The following MAGI2 variants were observed in gnomAD, a reference collection of about 807,000 sequenced individuals.
MAGI2 encodes membrane-associated guanylate kinase, WW and PDZ domain-containing protein 2.
In MAGI2, 35 loss-of-function variants were observed where a neutral mutation model predicts 133.3. The observed-to-expected ratio is 0.26, with a 90% confidence interval of 0.20 to 0.35. MAGI2 has a LOEUF of 0.35. Ranked by LOEUF, MAGI2 falls within the 10% of genes least tolerant of loss-of-function variation. The pLI, the probability that MAGI2 is intolerant of heterozygous loss-of-function variation, is 1.00. For missense variants in MAGI2, 1,636 were observed against 1,863.4 expected, an observed-to-expected ratio of 0.88 and a Z score of 2.25; for synonymous variants, 729 against 710.6, an observed-to-expected ratio of 1.03 and a Z score of -0.41.
intron 6 of MAGI2, among the ~76,000 whole-genome samples, chr7:78,474,211 T>C (rs112496876): frequency 6.6e-6 from 1 of 152,066 alleles, no homozygotes. Context: ...TCTATTTATA[T>C]GCAAGTTGGG....
chr7:78,431,074 CTGTGTG>C (rs147567944), intron 6 of MAGI2, among the ~76,000 whole-genome samples: 381 of 146,512 alleles, frequency 2.6e-3, no homozygotes, highest in African/African-American at 6.3e-3. Context: ...GTGAGGTAGG[CTGTGTG>C]TGTGTGTGTG....
chr7:79,360,475 A>G (rs1212833649), intron 1 of MAGI2, among the ~76,000 whole-genome samples: 2 of 152,284 alleles, frequency 1.3e-5, no homozygotes, highest in East Asian at 3.9e-4. Flanking sequence ...ATAGGTACGT[A>G]CACTATATCA....
chr7:79,418,489 A>G (rs889367221), intron 1 of MAGI2, among the ~76,000 whole-genome samples: 1 of 152,116 alleles, frequency 6.6e-6, no homozygotes, highest in Non-Finnish European at 1.5e-5. Flanking sequence ...CAACAGCGCC[A>G]CAATCAATTT....
intron 1 of MAGI2, among the ~76,000 whole-genome samples, chr7:79,355,649 G>A (rs968373909): frequency 6.6e-5 from 10 of 152,236 alleles, no homozygotes; most frequent in South Asian, 6.2e-4. Context: ...TCACTGCCAC[G>A]ACTTTTTGTT....
chr7:78,366,541 G>C (rs767695105), intron 7 of MAGI2, among the ~76,000 whole-genome samples: 13 of 152,074 alleles, frequency 8.5e-5, no homozygotes, highest in Non-Finnish European at 1.6e-4. Flanking sequence ...GAAAATAATA[G>C]TGCAATAGAG....
At chr7:78,455,938 C>T (rs2302641) in intron 6 of MAGI2, among the ~76,000 whole-genome samples, 49,895 of 151,784 alleles carry the variant, frequency 0.33, 11,342 homozygotes, top group African/African-American at 0.65. Flanking sequence ...ACTTTCAGAA[C>T]CTGGGTCTGG....
In MAGI2 at chr7:78,194,990, G is replaced by C. The variant is rs751741921; in HGVS notation, c.2153C>G (p.Pro718Arg). 5.6e-6 allele frequency: 9 copies of C among 1,614,104 alleles called. No individual in the cohort carries two copies. Among genetic ancestry groups the C allele is most frequent in the East Asian group, 2.2e-5 (1 of 44,876 alleles). ...GCTCCTGTGAAGGGCAGGTGGGAAGGGCAGGTTCTGCGGTATGGCCGGAGC... is the reference window on the plus strand; with the variant it reads ...GCTCCTGTGAAGGGCAGGTGGGAAGCGCAGGTTCTGCGGTATGGCCGGAGC... The part of the protein sequence containing the change: ...LSAPAIPQNL[P>R]FPPALHRSSF... The change falls in exon 12 of 22, where the codon CCC becomes CGC. Residue 718 changes from proline (P) to arginine (R), a missense_variant. Physicochemically the swap from Pro to Arg is moderately radical, Grantham distance 103. This residue lies in a region of MAGI2 where 920 missense variants were observed against 1,093.5 expected (regional missense o/e 0.84). Transcript: ENST00000354212.
intron 2 of MAGI2, among the ~76,000 whole-genome samples, chr7:78,793,056 C>T (rs908382234): frequency 3.3e-5 from 5 of 152,170 alleles, no homozygotes; most frequent in Admixed American, 6.5e-5. Context: ...AATGTATAAG[C>T]GTGGAAGTAA....
At chr7:78,117,975 C>G (rs114813323) in intron 20 of MAGI2, among the ~76,000 whole-genome samples, 1,665 of 152,254 alleles carry the variant, frequency 0.011, 22 homozygotes, top group African/African-American at 0.038. Context: ...CCACAGTAAT[C>G]AGGACAGTGT....
chr7:78,206,233 CT>C (rs2150778288), intron 10 of MAGI2, among the ~76,000 whole-genome samples: 1 of 151,850 alleles, frequency 6.6e-6, no homozygotes, highest in Non-Finnish European at 1.5e-5. Flanking sequence ...CAACTTTAAT[CT>C]ATCATGATAT....
chr7:78,948,676 G>T (rs939579481), intron 2 of MAGI2, among the ~76,000 whole-genome samples: 1 of 152,060 alleles, frequency 6.6e-6, no homozygotes, highest in Admixed American at 6.6e-5. Context: ...ATCAATAATA[G>T]AAAACTTGTT....
At chr7:79,073,815 C>T (rs1299216980) in intron 1 of MAGI2, among the ~76,000 whole-genome samples, 1 of 151,342 alleles carries the variant, frequency 6.6e-6, no homozygotes, top group East Asian at 1.9e-4. Flanking sequence ...CTTGACCATA[C>T]TAGATTTCGT....
chr7:78,859,239 A>G (rs1428034046), intron 2 of MAGI2, among the ~76,000 whole-genome samples: 6 of 152,164 alleles, frequency 3.9e-5, no homozygotes, highest in African/African-American at 1.4e-4. Context: ...GCCCATTTAC[A>G]TTTAAGGTTA....
At chr7:78,587,535 T>C (rs1484650312) in intron 3 of MAGI2, among the ~76,000 whole-genome samples, 1 of 152,244 alleles carries the variant, frequency 6.6e-6, no homozygotes, top group Non-Finnish European at 1.5e-5. Flanking sequence ...TTTAAAAAGG[T>C]ATCTGAAGTG....
chr7:78,349,715 G>C (rs924759374), intron 7 of MAGI2, among the ~76,000 whole-genome samples: 4 of 152,140 alleles, frequency 2.6e-5, no homozygotes, highest in African/African-American at 9.7e-5. Context: ...CATTTCCATT[G>C]TCACAAATGA....
At position 78,648,686 on chromosome 7, in the gene MAGI2, T is replaced by A. The variant is rs199582184; in HGVS notation, c.419-21447A>T. 5.9e-5 allele frequency among the ~76,000 whole-genome samples: 9 copies of A among 152,336 alleles called. No individual in the cohort carries two copies. The East Asian group carries it at 1.7e-3, about 29-fold the overall frequency. ...CAGAATGCTTGTCAAGTGATTTTAA[T>A]GTCTACCAGGGTGGAGGACCACTGG... On this transcript the variant is annotated intron_variant, in intron 2 of 21. Transcript: ENST00000354212.
chr7:78,148,224 T>C (rs1823514246), intron 16 of MAGI2, among the ~76,000 whole-genome samples: 1 of 152,114 alleles, frequency 6.6e-6, no homozygotes, highest in Non-Finnish European at 1.5e-5. Flanking sequence ...ATGAAACAAA[T>C]ATTGACACAT....
intron 16 of MAGI2, among the ~76,000 whole-genome samples, chr7:78,156,803 G>A (rs77880611): frequency 0.15 from 21,476 of 140,124 alleles, 1,961 homozygotes; most frequent in Non-Finnish European, 0.21. Context: ...AAAAGCTCCC[G>A]AAGCCACGAA....
chr7:79,252,086 G>T (rs991864997), intron 1 of MAGI2, among the ~76,000 whole-genome samples: 2 of 150,292 alleles, frequency 1.3e-5, no homozygotes, highest in African/African-American at 4.9e-5. Context: ...GAGCCTGGGA[G>T]GTGGGGGTTG....
Sources: gnomAD v4.1 joint callset for allele counts (sites outside exome capture counted in the v4.1 genomes callset) on GRCh38, gnomAD v4.1.1 for gene constraint, gnomAD v4.1.1 regional missense constraint, MANE v1.5 for transcripts, NCBI Gene and HGNC (gene_info 2026-07-23, HGNC 2026-07-21) for gene names.